BACH2: variants seen among roughly 807,000 people sequenced by gnomAD.
The protein encoded by BACH2 is transcription regulator protein BACH2.
In BACH2, 5 loss-of-function variants were observed where a neutral mutation model predicts 61.8. The ratio of observed to expected loss-of-function variants is 0.08; its 90% CI spans 0.04 to 0.17. BACH2 has a LOEUF of 0.17. Ranked by LOEUF, BACH2 falls within the 10% of genes least tolerant of loss-of-function variation. The probability of loss-of-function intolerance (pLI) is 1.00; values close to 1 mark genes in which losing one functional copy is unlikely to be tolerated. For synonymous variants in BACH2, 446 were observed against 440.1 expected (o/e 1.01, Z -0.17); for missense variants, 824 against 1,091.1 (o/e 0.76, Z 3.45).
chr6:89,948,439 C>T (rs2128356251), intron 7 of BACH2, among the ~76,000 whole-genome samples: 1 of 152,148 alleles, frequency 6.6e-6, no homozygotes, highest in East Asian at 1.9e-4. Flanking sequence ...AAATCCTGAG[C>T]TCAAGTGATC....
At chr6:90,234,654 T>C (rs1005323067) in intron 3 of BACH2, among the ~76,000 whole-genome samples, 3 of 152,164 alleles carry the variant, frequency 2.0e-5, no homozygotes, top group East Asian at 1.9e-4. Flanking sequence ...AATAAAACAA[T>C]GTGCACTACA....
intron 6 of BACH2, among the ~76,000 whole-genome samples, chr6:89,964,399 A>G (rs1774933459): frequency 6.6e-6 from 1 of 152,164 alleles, no homozygotes; most frequent in African/African-American, 2.4e-5. Flanking sequence ...GAACTTATTT[A>G]ACACTACTGA....
In BACH2 at chr6:89,996,486, A is replaced by G. The variant is rs1479206395; in HGVS notation, c.243+12116T>C. ...TCTTTTGTCTAAATTTTATTCTTCC[A>G]TAGTAAGGCCCCATGTAGTGAGACC... On this transcript the variant is annotated intron_variant, in intron 6 of 8. Coordinates refer to ENST00000257749, the MANE Select transcript of BACH2 (RefSeq NM_021813.4). 2.6e-5 allele frequency among the ~76,000 whole-genome samples: 4 copies of G among 152,284 alleles called. No individual in the cohort carries two copies. The East Asian group carries it at 7.7e-4, about 29-fold the overall frequency.
intron 4 of BACH2, among the ~76,000 whole-genome samples, chr6:90,149,626 C>G (rs78048524): frequency 0.016 from 2,405 of 152,274 alleles, 23 homozygotes; most frequent in Non-Finnish European, 0.026. Context: ...ATTCATGGAA[C>G]TGGAAAGGCC....
intron 1 of BACH2, among the ~76,000 whole-genome samples, chr6:90,276,837 T>C (rs1016724209): frequency 3.3e-5 from 5 of 152,128 alleles, no homozygotes; most frequent in African/African-American, 1.2e-4. Flanking sequence ...AAAAGTTCTC[T>C]TGAAGAAAAA....
intron 5 of BACH2, among the ~76,000 whole-genome samples, chr6:90,079,958 G>A (rs912159276): frequency 4.7e-5 from 7 of 148,282 alleles, no homozygotes; most frequent in African/African-American, 1.0e-4. Flanking sequence ...GGAAAACAAT[G>A]TTGACTTACC....
chr6:90,092,293 T>A (rs388384), intron 4 of BACH2, among the ~76,000 whole-genome samples: 1,137 of 96,964 alleles, frequency 0.012, 28 homozygotes, highest in East Asian at 0.046. Flanking sequence ...AAAAAAAAAA[T>A]ATATATATAT....
At chr6:90,004,684 C>T (rs540262522) in intron 6 of BACH2, among the ~76,000 whole-genome samples, 1 of 152,344 alleles carries the variant, frequency 6.6e-6, no homozygotes, top group East Asian at 1.9e-4. Context: ...CTACTTCCGT[C>T]ATGGCTGGCA....
chr6:90,219,794 A>G (rs962645678), intron 3 of BACH2, among the ~76,000 whole-genome samples: 30 of 69,820 alleles, frequency 4.3e-4, no homozygotes, highest in African/African-American at 1.0e-3. Flanking sequence ...ATACACACAC[A>G]CACACACACA....
intron 3 of BACH2, among the ~76,000 whole-genome samples, chr6:90,212,377 A>G (rs977223035): frequency 6.6e-6 from 1 of 152,134 alleles, no homozygotes; most frequent in South Asian, 2.1e-4. Context: ...AAGAGGCAAG[A>G]GGAACAGAGT....
intron 4 of BACH2, among the ~76,000 whole-genome samples, chr6:90,140,126 T>C (rs1167659312): frequency 6.6e-6 from 1 of 152,116 alleles, no homozygotes; most frequent in African/African-American, 2.4e-5. Flanking sequence ...AGGAACCCCA[T>C]GGAAAAGGGC....
intron 3 of BACH2, among the ~76,000 whole-genome samples, chr6:90,212,508 C>T (rs1769390353): frequency 6.6e-6 from 1 of 152,188 alleles, no homozygotes; most frequent in South Asian, 2.1e-4. Context: ...AGCAAACACA[C>T]TATAACATGG....
intron 1 of BACH2, among the ~76,000 whole-genome samples, chr6:90,274,244 A>C (rs1300267936): frequency 6.6e-6 from 1 of 152,230 alleles, no homozygotes; most frequent in South Asian, 2.1e-4. Context: ...ATGAGAGAAT[A>C]TATTAGCTAC....
chr6:90,208,127 A>ATG (rs1769214533), intron 3 of BACH2, among the ~76,000 whole-genome samples: 1 of 152,230 alleles, frequency 6.6e-6, no homozygotes, highest in Non-Finnish European at 1.5e-5. Flanking sequence ...AGGCAATACC[A>ATG]TTCAGGACAT....
intron 3 of BACH2, among the ~76,000 whole-genome samples, chr6:90,208,747 T>G (rs1164944228): frequency 6.6e-6 from 1 of 152,194 alleles, no homozygotes; most frequent in Non-Finnish European, 1.5e-5. Flanking sequence ...TAAAAACACA[T>G]GCAGATATAT....
At chr6:90,269,621 T>C (rs1771456374) in intron 2 of BACH2, among the ~76,000 whole-genome samples, 1 of 152,148 alleles carries the variant, frequency 6.6e-6, no homozygotes, top group African/African-American at 2.4e-5. Flanking sequence ...TTTTGATGTT[T>C]TGAGAATTTC....
At chr6:89,989,000 A>C (rs1188174651) in intron 6 of BACH2, among the ~76,000 whole-genome samples, 1 of 152,310 alleles carries the variant, frequency 6.6e-6, no homozygotes, top group African/African-American at 2.4e-5. Flanking sequence ...TGAGGTGAAC[A>C]ATCGAACCAA....
chr6:89,965,480 G>T (rs1344845466), intron 6 of BACH2, among the ~76,000 whole-genome samples: 2 of 152,120 alleles, frequency 1.3e-5, no homozygotes, highest in Non-Finnish European at 2.9e-5. Context: ...GACCTAATTG[G>T]TATTATGAGT....
At chr6:90,215,822 A>G (rs978761259) in intron 3 of BACH2, among the ~76,000 whole-genome samples, 1 of 152,176 alleles carries the variant, frequency 6.6e-6, no homozygotes, top group Non-Finnish European at 1.5e-5. Flanking sequence ...GCTTACGGGT[A>G]GCCCAGGCCT....
Sources: allele counts gnomAD v4.1 joint callset (sites outside exome capture counted in the v4.1 genomes callset), GRCh38; gene constraint gnomAD v4.1.1; transcripts MANE v1.5; gene names NCBI Gene and HGNC (gene_info 2026-07-23, HGNC 2026-07-21).